Variants in CCDC91 observed in about 807,000 individuals in gnomAD.
CCDC91 encodes the protein coiled-coil domain-containing protein 91.
In CCDC91, 48 loss-of-function variants were observed where a neutral mutation model predicts 63.2. The ratio of observed to expected loss-of-function variants is 0.76; its 90% CI spans 0.60 to 0.97. The LOEUF (loss-of-function observed/expected upper bound fraction) is 0.97. Ranked by LOEUF, CCDC91 falls within the 50% of genes least tolerant of loss-of-function variation. The pLI is 0.00. For synonymous variants in CCDC91, 167 were observed against 165.8 expected (o/e 1.01, Z -0.06); for missense variants, 500 against 494.6 (o/e 1.01, Z -0.10).
intron 1 of CCDC91, among the ~76,000 whole-genome samples, chr12:28,246,097 A>G (rs1945712639): frequency 6.6e-6 from 1 of 152,204 alleles, no homozygotes; most frequent in Admixed American, 6.5e-5. Flanking sequence ...CCATAATAAT[A>G]TTAGCAACAT....
intron 6 of CCDC91, among the ~76,000 whole-genome samples, chr12:28,343,572 G>T (rs1201673458): frequency 6.6e-6 from 1 of 152,078 alleles, no homozygotes; most frequent in East Asian, 1.9e-4. Flanking sequence ...TAGGGAAAAG[G>T]TGTCTCCAAC....
At chr12:28,393,970 T>C (rs1946109800) in intron 8 of CCDC91, among the ~76,000 whole-genome samples, 1 of 152,162 alleles carries the variant, frequency 6.6e-6, no homozygotes, top group Admixed American at 6.5e-5. Context: ...GCAGTTTCAT[T>C]TACAATAGTA....
chr12:28,549,029 T>C, intron 12 of CCDC91, 34 bp from the exon 13 acceptor site: 5 of 1,382,644 alleles, frequency 3.6e-6, no homozygotes, highest in Non-Finnish European at 4.1e-6. Context: ...TATTTTTTTT[T>C]CTCTTTCTCT....
intron 11 of CCDC91, among the ~76,000 whole-genome samples, chr12:28,458,893 T>C (rs1451302191): frequency 6.6e-6 from 1 of 152,064 alleles, no homozygotes; most frequent in Non-Finnish European, 1.5e-5. Flanking sequence ...CAACTTGGAG[T>C]GAAAAATGGA....
chr12:28,333,599 C>G (rs572244433), intron 6 of CCDC91, among the ~76,000 whole-genome samples: 1 of 152,158 alleles, frequency 6.6e-6, no homozygotes, highest in Non-Finnish European at 1.5e-5. Context: ...CATGTCTCAT[C>G]TTTTGCTTTT....
At chr12:28,469,707 C>T (rs1157133423) in intron 11 of CCDC91, among the ~76,000 whole-genome samples, 1 of 152,026 alleles carries the variant, frequency 6.6e-6, no homozygotes, top group Non-Finnish European at 1.5e-5. Flanking sequence ...GCTATAGTAA[C>T]CAAAGCAGCA....
rs74422719 is a variant in CCDC91, at chr12:28,440,057, A to G, written c.763-10104A>G. Among the ~76,000 whole-genome samples, 6 of 152,166 alleles carry G rather than the reference A, an allele frequency of 3.9e-5. No individual in the cohort carries two copies. The East Asian group carries it at 9.6e-4, about 24-fold the overall frequency. On this transcript the variant is annotated intron_variant, in intron 8 of 12. Transcript: ENST00000536442. The stretch of plus-strand genomic sequence containing the variant: ...ATAAGCAAAATGTAATAAACTCTTC[A>G]CTATTTTTGGATGAGGTCTACTGGT...
intron 11 of CCDC91, among the ~76,000 whole-genome samples, chr12:28,453,217 A>C (rs1259228937): frequency 6.6e-6 from 1 of 152,002 alleles, no homozygotes; most frequent in Non-Finnish European, 1.5e-5. Context: ...ACAATTAAAA[A>C]CACTACCTTA....
chr12:28,392,876 C>A (rs1436373019), intron 8 of CCDC91, among the ~76,000 whole-genome samples: 1 of 152,130 alleles, frequency 6.6e-6, no homozygotes, highest in Non-Finnish European at 1.5e-5. Context: ...GAACTAAAAT[C>A]TAAATTGTTT....
At chr12:28,401,927 C>T (rs1946645457) in intron 8 of CCDC91, among the ~76,000 whole-genome samples, 1 of 152,126 alleles carries the variant, frequency 6.6e-6, no homozygotes, top group Admixed American at 6.5e-5. Context: ...TGTGATGAGA[C>T]AGTCAACGTT....
At chr12:28,447,452 A>G (rs1949558210) in intron 8 of CCDC91, among the ~76,000 whole-genome samples, 1 of 151,892 alleles carries the variant, frequency 6.6e-6, no homozygotes, top group African/African-American at 2.4e-5. Flanking sequence ...ATGAGCATAT[A>G]TCAGTCTTAC....
chr12:28,200,161 G>A (rs1349535235), intron 1 of CCDC91, among the ~76,000 whole-genome samples: 2 of 149,164 alleles, frequency 1.3e-5, no homozygotes, highest in Non-Finnish European at 3.0e-5. Flanking sequence ...CCTTAGCCTG[G>A]ATAATCTCAA....
chr12:28,418,991 G>C (rs1458848875), intron 8 of CCDC91, among the ~76,000 whole-genome samples: 1 of 152,086 alleles, frequency 6.6e-6, no homozygotes, highest in African/African-American at 2.4e-5. Flanking sequence ...CTAGGTATTT[G>C]TCAAAATGCT....
intron 1 of CCDC91, among the ~76,000 whole-genome samples, chr12:28,226,900 C>G (rs1446913251): frequency 6.6e-6 from 1 of 152,018 alleles, no homozygotes; most frequent in Non-Finnish European, 1.5e-5. Flanking sequence ...GTGGTGGTTT[C>G]TTAAACTTTA....
At chr12:28,391,202 A>C (rs574519683) in intron 7 of CCDC91, 102 bp from the exon 8 acceptor site, 1 of 581,848 alleles carries the variant, frequency 1.7e-6, no homozygotes, top group East Asian at 2.9e-5. Context: ...ATTTAGGAGA[A>C]TATCGTATTA....
chr12:28,265,904 C>T, intron 3 of CCDC91, among the ~76,000 whole-genome samples: 1 of 151,998 alleles, frequency 6.6e-6, no homozygotes, highest in East Asian at 1.9e-4. Context: ...TTACATTAGA[C>T]ATTTTTGTCA....
intron 3 of CCDC91, among the ~76,000 whole-genome samples, chr12:28,272,481 C>T (rs568447213): frequency 2.1e-4 from 30 of 146,176 alleles, no homozygotes; most frequent in South Asian, 4.8e-4. Flanking sequence ...CTCTTTTTCA[C>T]GTTTTGGCTG....
In CCDC91 at chr12:28,362,500, T is replaced by G. The variant is rs757353644; in HGVS notation, c.639T>G (p.Ile213Met). ...RKAGHEALSI[I>M]VDEYKALLQS... is the part of the protein sequence containing the mutation. ...CTGGTCACGAAGCCCTCAGCATTATTGTGGATGAATATAAGGTAGAGGTTT... is the reference window on the plus strand; with the variant it reads ...CTGGTCACGAAGCCCTCAGCATTATGGTGGATGAATATAAGGTAGAGGTTT... The change falls in exon 7 of 13, where the codon ATT (isoleucine) becomes ATG (methionine). Residue 213 changes from isoleucine (I) to methionine (M), a missense_variant. Ile to Met is a conservative substitution (Grantham distance 10). Transcript: ENST00000536442. 1 of 1,593,730 alleles carries G rather than the reference T, an allele frequency of 6.3e-7. No homozygotes were observed. Among genetic ancestry groups the G allele is most frequent in the Non-Finnish European group, 8.6e-7 (1 of 1,169,422 alleles).
intron 6 of CCDC91, among the ~76,000 whole-genome samples, chr12:28,355,130 T>C (rs1417789196): frequency 6.6e-6 from 1 of 152,110 alleles, no homozygotes; most frequent in African/African-American, 2.4e-5. Flanking sequence ...CTCCTGTGCT[T>C]GGCCTGAGTT....
Sources: gnomAD v4.1 joint callset for allele counts (sites outside exome capture counted in the v4.1 genomes callset) on GRCh38, gnomAD v4.1.1 for gene constraint, MANE v1.5 for transcripts, NCBI Gene and HGNC (gene_info 2026-07-23, HGNC 2026-07-21) for gene names.